LIN7A: variants seen among roughly 807,000 people sequenced by gnomAD.
LIN7A encodes protein lin-7 homolog A.
A neutral mutation model predicts 29.8 loss-of-function variants in LIN7A; 25 were observed. The observed-to-expected ratio is 0.84, with a 90% CI of 0.61 to 1.17. The LOEUF is 1.17. Among genes scored for constraint, LIN7A ranks in the 50% most tolerant of loss-of-function variants. LIN7A has a pLI of 0.00. For missense variants in LIN7A, 239 were observed against 287.0 expected (o/e 0.83, Z 1.21); for synonymous variants, 118 against 107.5 (o/e 1.10, Z -0.60).
intron 5 of LIN7A, among the ~76,000 whole-genome samples, chr12:80,804,323 T>C (rs536051358): frequency 6.6e-6 from 1 of 152,226 alleles, no homozygotes; most frequent in South Asian, 2.1e-4. Flanking sequence ...TATGCATTCA[T>C]TGTGTTTTTG....
chr12:80,866,716 A>G (rs979690600), intron 2 of LIN7A, among the ~76,000 whole-genome samples: 2 of 152,154 alleles, frequency 1.3e-5, no homozygotes, highest in Admixed American at 1.3e-4. Context: ...CACTGGCTCA[A>G]ACACTGAGAA....
At chr12:80,800,084 G>T (rs1239630589) in intron 5 of LIN7A, among the ~76,000 whole-genome samples, 2 of 152,154 alleles carry the variant, frequency 1.3e-5, no homozygotes, top group African/African-American at 4.8e-5. Flanking sequence ...AGAAATGAAA[G>T]TGGTCACATC....
At chr12:80,821,177 A>C (rs1014210209) in intron 4 of LIN7A, among the ~76,000 whole-genome samples, 1 of 152,194 alleles carries the variant, frequency 6.6e-6, no homozygotes. Flanking sequence ...CAGGGCAGAA[A>C]GGCCAGGGAT....
chr12:80,859,764 T>C (rs999619490), intron 2 of LIN7A, among the ~76,000 whole-genome samples: 3 of 152,150 alleles, frequency 2.0e-5, no homozygotes, highest in Non-Finnish European at 4.4e-5. Flanking sequence ...ATAGAAAATA[T>C]GTACAATATA....
chr12:80,837,593 T>C (rs1027512262), intron 4 of LIN7A, among the ~76,000 whole-genome samples: 1 of 152,158 alleles, frequency 6.6e-6, no homozygotes, highest in African/African-American at 2.4e-5. Context: ...TTGGAGCTAG[T>C]GAAACTGATT....
rs532540343 is a variant in LIN7A, at chr12:80,937,621, C to A, written c.82+20G>T. On this transcript the variant is annotated intron_variant, in intron 1 of 5. Transcript: ENST00000552864. ...GGGGAGAGGGGACGCGGTGGCCTGGCGAGCGAGCCGCTCCCTTACCTCTGT... is the reference window on the plus strand; with the variant it reads ...GGGGAGAGGGGACGCGGTGGCCTGGAGAGCGAGCCGCTCCCTTACCTCTGT... 4 of 1,456,024 alleles carry A rather than the reference C, an allele frequency of 2.7e-6. No individual in the cohort carries two copies. Among genetic ancestry groups the A allele is most frequent in the East Asian group, 2.8e-5 (1 of 35,992 alleles). The allele number at this position is 1,456,024 out of a possible 1,614,324, so 90.2% of individuals were successfully genotyped here. A position where few individuals can be genotyped will look rare whatever the true frequency, so the allele number is the denominator to read the frequency against.
rs570985666 is a variant in LIN7A, at chr12:80,880,253, T to C, written c.201+8998A>G. ...ACCAGAAAATCTGAAATTGAAAGACTAGCCTCATTTTTTTTTGACCTAACA... is the reference window on the plus strand; with the variant it reads ...ACCAGAAAATCTGAAATTGAAAGACCAGCCTCATTTTTTTTTGACCTAACA... On this transcript the variant is annotated intron_variant, in intron 2 of 5. Transcript: ENST00000552864. Among the ~76,000 whole-genome samples, 7 of 152,294 alleles carry C rather than the reference T, an allele frequency of 4.6e-5. No homozygotes were observed. In the East Asian group the frequency reaches 1.2e-3, roughly 25 times the overall value.
intron 5 of LIN7A, among the ~76,000 whole-genome samples, chr12:80,806,649 T>C (rs999715602): frequency 6.6e-6 from 1 of 152,228 alleles, no homozygotes. Flanking sequence ...TTAAATTTTA[T>C]AAAAACCTGA....
intron 5 of LIN7A, among the ~76,000 whole-genome samples, chr12:80,798,507 C>A (rs534940183): frequency 6.6e-6 from 1 of 152,266 alleles, no homozygotes; most frequent in African/African-American, 2.4e-5. Context: ...GAAAACCGTG[C>A]ATAAACCCAT....
At chr12:80,879,840 A>C (rs1327930168) in intron 2 of LIN7A, among the ~76,000 whole-genome samples, 1 of 152,166 alleles carries the variant, frequency 6.6e-6, no homozygotes, top group Non-Finnish European at 1.5e-5. Flanking sequence ...GTCGGAGCAG[A>C]GCAGACGTTT....
chr12:80,827,583 C>G (rs895722303), intron 4 of LIN7A, among the ~76,000 whole-genome samples: 1 of 152,116 alleles, frequency 6.6e-6, no homozygotes. Context: ...TTCCCATGTA[C>G]AGGCAGGTCC....
At chr12:80,858,804 T>C (rs1206373471) in intron 2 of LIN7A, among the ~76,000 whole-genome samples, 14 of 152,190 alleles carry the variant, frequency 9.2e-5, no homozygotes, top group Non-Finnish European at 1.5e-5. Context: ...AGATATTGGC[T>C]CAGCAGACTT....
chr12:80,854,257 A>G lies in LIN7A; in HGVS notation c.202-5935T>C, dbSNP rs556962767. On this transcript the variant is annotated intron_variant, in intron 2 of 5. Coordinates refer to ENST00000552864, the MANE Select transcript of LIN7A (RefSeq NM_004664.4). ...TGAATAATTAACTGGTGGTATAGCC[A>G]TACAATGGACTACTTGGCATTAAAA... Among the ~76,000 whole-genome samples, 257 of 152,170 alleles carry G rather than the reference A, an allele frequency of 1.7e-3. 3 individuals are homozygous for G. Among genetic ancestry groups the G allele is most frequent in the African/African-American group, 5.8e-3 (241 of 41,552 alleles).
intron 4 of LIN7A, among the ~76,000 whole-genome samples, chr12:80,822,994 T>C (rs1871885461): frequency 6.6e-6 from 1 of 152,168 alleles, no homozygotes; most frequent in Admixed American, 6.5e-5. Context: ...TACTCCCCTC[T>C]GAAGCCCATA....
chr12:80,914,973 A>G (rs1876953968), intron 1 of LIN7A, among the ~76,000 whole-genome samples: 1 of 152,130 alleles, frequency 6.6e-6, no homozygotes, highest in Non-Finnish European at 1.5e-5. Context: ...ACTTGAGCCT[A>G]TTGCAACAAA....
At chr12:80,906,766 C>T (rs1876497018) in intron 1 of LIN7A, among the ~76,000 whole-genome samples, 2 of 151,972 alleles carry the variant, frequency 1.3e-5, no homozygotes, top group African/African-American at 4.8e-5. Flanking sequence ...GAAACCCCAA[C>T]GACATGCAAT....
At chr12:80,806,233 C>CA (rs974563946) in intron 5 of LIN7A, among the ~76,000 whole-genome samples, 2 of 151,880 alleles carry the variant, frequency 1.3e-5, no homozygotes, top group African/African-American at 4.8e-5. Flanking sequence ...AACTCTTTCT[C>CA]AAAAAAAGTG....
At chr12:80,866,423 C>G (rs1874139904) in intron 2 of LIN7A, among the ~76,000 whole-genome samples, 1 of 152,036 alleles carries the variant, frequency 6.6e-6, no homozygotes. Context: ...ATCCAGTGAA[C>G]CTACTGGCAC....
intron 2 of LIN7A, among the ~76,000 whole-genome samples, chr12:80,864,188 C>A (rs935961059): frequency 3.3e-5 from 5 of 151,698 alleles, no homozygotes; most frequent in African/African-American, 4.8e-5. Flanking sequence ...ATCAGCTGAC[C>A]CAGACATAAG....
Sources: allele counts gnomAD v4.1 joint callset (sites outside exome capture counted in the v4.1 genomes callset), GRCh38; gene constraint gnomAD v4.1.1; transcripts MANE v1.5; gene names NCBI Gene and HGNC (gene_info 2026-07-23, HGNC 2026-07-21).